HIBADH: variants seen among roughly 807,000 people sequenced by gnomAD.
HIBADH encodes the protein 3-hydroxyisobutyrate dehydrogenase.
In HIBADH, 25 loss-of-function variants were observed where a neutral mutation model predicts 36.1. The observed-to-expected ratio is 0.69, with a 90% CI of 0.50 to 0.97. The LOEUF is 0.97. HIBADH is among the 50% of genes least tolerant of loss of function. HIBADH has a pLI of 0.00. For synonymous variants in HIBADH, 160 were observed against 149.5 expected, an observed-to-expected ratio of 1.07 and a Z score of -0.51; for missense variants, 421 against 418.0, an observed-to-expected ratio of 1.01 and a Z score of -0.06.
rs752315112 is a variant in HIBADH at position 27,649,682 on chromosome 7, G to A, written c.92-49C>T. On this transcript the variant is annotated intron_variant, in intron 1 of 7. Transcript: ENST00000265395. ...ATAGGGGCAAATAACATTTTTTATT[G>A]TAAACATTCATTTAATATTAGCAAG... The A allele has an allele frequency of 5.6e-6, 8 of 1,435,212 alleles. No individual in the cohort carries two copies. In the Admixed American group the frequency reaches 9.3e-5, roughly 17 times the overall value. The allele number at this position is 1,435,212 out of a possible 1,614,324, so 88.9% of individuals were successfully genotyped here.
intron 4 of HIBADH, among the ~76,000 whole-genome samples, chr7:27,586,757 C>A (rs1784870913): frequency 6.6e-6 from 1 of 152,190 alleles, no homozygotes; most frequent in African/African-American, 2.4e-5. Context: ...CCAACAGTGA[C>A]CACCTCGACT....
At chr7:27,590,997 T>C (rs967781969) in intron 4 of HIBADH, among the ~76,000 whole-genome samples, 1 of 152,132 alleles carries the variant, frequency 6.6e-6, no homozygotes, top group Non-Finnish European at 1.5e-5. Context: ...AAGAGAAAAG[T>C]TGATTTTTCT....
chr7:27,528,062 C>T (rs1783938019), intron 7 of HIBADH, among the ~76,000 whole-genome samples: 1 of 151,608 alleles, frequency 6.6e-6, no homozygotes, highest in Non-Finnish European at 1.5e-5. Context: ...TGTGCCCAGC[C>T]GATCAGTGAT....
chr7:27,575,176 GATTT>G (rs1336827184), intron 4 of HIBADH, among the ~76,000 whole-genome samples: 3 of 151,768 alleles, frequency 2.0e-5, no homozygotes, highest in African/African-American at 7.2e-5. Context: ...TAGCACTCTT[GATTT>G]ATTTGTCAAG....
intron 2 of HIBADH, among the ~76,000 whole-genome samples, chr7:27,634,428 C>T (rs1036675002): frequency 1.3e-5 from 2 of 151,884 alleles, no homozygotes; most frequent in African/African-American, 4.8e-5. Context: ...CTAGAAGAGG[C>T]AACTATTTCC....
intron 2 of HIBADH, among the ~76,000 whole-genome samples, chr7:27,634,861 T>C (rs900800259): frequency 6.6e-6 from 1 of 152,214 alleles, no homozygotes; most frequent in Non-Finnish European, 1.5e-5. Context: ...GCCAAGTGCA[T>C]GGGGTGGCCA....
chr7:27,632,491 G>A (rs1224586471), intron 2 of HIBADH, 46 bp from the exon 3 acceptor site: 1 of 1,297,360 alleles, frequency 7.7e-7, no homozygotes, highest in South Asian at 1.2e-5. Flanking sequence ...TAAAATGTAA[G>A]CAGTTTCTAG....
chr7:27,541,153 G>A (rs1352738246), intron 5 of HIBADH, among the ~76,000 whole-genome samples: 3 of 139,794 alleles, frequency 2.1e-5, no homozygotes, highest in Admixed American at 7.4e-5. Context: ...TTTTTTCTCC[G>A]TAATAGGGCA....
At chr7:27,599,633 G>T (rs1057402816) in intron 4 of HIBADH, among the ~76,000 whole-genome samples, 9 of 129,938 alleles carry the variant, frequency 6.9e-5, no homozygotes, top group Non-Finnish European at 9.3e-5. Flanking sequence ...AGTGAGCCCA[G>T]ATGGCGCCAC....
chr7:27,653,430 C>T (rs540240442), intron 1 of HIBADH, among the ~76,000 whole-genome samples: 1 of 152,216 alleles, frequency 6.6e-6, no homozygotes, highest in East Asian at 1.9e-4. Context: ...AGATGTCCAA[C>T]AGACTATTAG....
intron 4 of HIBADH, among the ~76,000 whole-genome samples, chr7:27,576,836 A>G (rs773628338): frequency 6.6e-6 from 1 of 152,180 alleles, no homozygotes; most frequent in Non-Finnish European, 1.5e-5. Context: ...TTTTATTAAT[A>G]ATTAGAAACT....
chr7:27,599,680 C>CAAAAAAA lies in HIBADH; in HGVS notation c.484+29684_484+29690dup, dbSNP rs3072889. Among the ~76,000 whole-genome samples, 62 of 41,072 alleles carry CAAAAAAA rather than the reference C, an allele frequency of 1.5e-3. 6 individuals are homozygous for CAAAAAAA. Among genetic ancestry groups the CAAAAAAA allele is most frequent in the African/African-American group, 7.0e-3 (59 of 8,482 alleles). The allele number at this position is 41,072 out of a possible 152,430, so 26.9% of individuals were successfully genotyped here. ...CTGGGTGACAGCGAGACTCTGTCTC[C>CAAAAAAA]AAAAAAAAAAAAAAAAAAAAAAAAA... On this transcript the variant is annotated intron_variant, in intron 4 of 7. Coordinates refer to ENST00000265395, the MANE Select transcript of HIBADH (RefSeq NM_152740.4).
intron 4 of HIBADH, among the ~76,000 whole-genome samples, chr7:27,556,847 T>A (rs1308778204): frequency 6.6e-5 from 10 of 152,124 alleles, no homozygotes; most frequent in Non-Finnish European, 2.9e-5. Context: ...TATTAAAAAA[T>A]TTTTTTGGGC....
At chr7:27,565,617 T>C (rs1562623582) in intron 4 of HIBADH, among the ~76,000 whole-genome samples, 1 of 152,228 alleles carries the variant, frequency 6.6e-6, no homozygotes, top group Non-Finnish European at 1.5e-5. Flanking sequence ...CATTTGTGAA[T>C]ATGAATAGTT....
intron 4 of HIBADH, among the ~76,000 whole-genome samples, chr7:27,561,013 G>GTATAATCTCTT (rs1784458385): frequency 6.6e-6 from 1 of 152,100 alleles, no homozygotes; most frequent in South Asian, 2.1e-4. Flanking sequence ...TGAGTGTTCA[G>GTATAATCTCTT]TGTAATCTCT....
At chr7:27,601,271 G>A (rs956530148) in intron 4 of HIBADH, among the ~76,000 whole-genome samples, 1 of 151,992 alleles carries the variant, frequency 6.6e-6, no homozygotes. Context: ...TTCTTTTGAT[G>A]AAACTACTGA....
In HIBADH at chr7:27,630,718, T is replaced by C. The variant is rs575175948; in HGVS notation, c.363-1226A>G. ...AGGTTGGAGACCAGACTAGGCAACATAGCAAGACCTCGTCTAAAATAAAAA... is the reference window on the plus strand; with the variant it reads ...AGGTTGGAGACCAGACTAGGCAACACAGCAAGACCTCGTCTAAAATAAAAA... On this transcript the variant is annotated intron_variant, in intron 3 of 7. Transcript: ENST00000265395. Among the ~76,000 whole-genome samples the C allele has an allele frequency of 1.7e-4, 26 of 152,134 alleles. No individual in the cohort carries two copies. In the South Asian group the frequency reaches 5.0e-3, roughly 29 times the overall value.
intron 4 of HIBADH, among the ~76,000 whole-genome samples, chr7:27,581,860 A>C (rs1371152371): frequency 6.6e-6 from 1 of 152,016 alleles, no homozygotes; most frequent in Non-Finnish European, 1.5e-5. Context: ...AAAAAACCCA[A>C]TTCAAATGGA....
At chr7:27,578,202 T>C (rs117351935) in intron 4 of HIBADH, among the ~76,000 whole-genome samples, 2,909 of 152,270 alleles carry the variant, frequency 0.019, 39 homozygotes, top group Non-Finnish European at 0.028. Context: ...AAGAGAATCT[T>C]TTTTTTGAAG....
Sources: allele counts gnomAD v4.1 joint callset (sites outside exome capture counted in the v4.1 genomes callset), GRCh38; gene constraint gnomAD v4.1.1; transcripts MANE v1.5; gene names NCBI Gene and HGNC (gene_info 2026-07-23, HGNC 2026-07-21).